SYDE2: variants seen among roughly 807,000 people sequenced by gnomAD.
SYDE2 encodes the protein synapse defective Rho GTPase homolog 2.
A neutral mutation model predicts 91.5 loss-of-function variants in SYDE2; 76 were observed. The ratio of observed to expected loss-of-function variants is 0.83; its 90% CI spans 0.69 to 1.01. SYDE2 has a LOEUF of 1.01. Among genes scored for constraint, SYDE2 ranks in the 50% least tolerant of loss-of-function variants. SYDE2 has a pLI of 0.00. For missense variants in SYDE2, 1,364 were observed against 1,367.7 expected (o/e 1.00, Z 0.04); for synonymous variants, 513 against 506.4 (o/e 1.01, Z -0.18).
At chr1:85,176,265 T>G (rs1295291722) in intron 4 of SYDE2, among the ~76,000 whole-genome samples, 1 of 152,150 alleles carries the variant, frequency 6.6e-6, no homozygotes, top group Non-Finnish European at 1.5e-5. Flanking sequence ...TCTTCAGGTA[T>G]CTCAATTTTT....
chr1:85,186,218 T>C (rs1252594971), intron 2 of SYDE2, among the ~76,000 whole-genome samples: 5 of 152,226 alleles, frequency 3.3e-5, no homozygotes, highest in Admixed American at 6.5e-5. Flanking sequence ...TTGAGCATTT[T>C]TGCATCAATG....
intron 2 of SYDE2, among the ~76,000 whole-genome samples, chr1:85,188,451 TC>T (rs1658238904): frequency 6.6e-6 from 1 of 152,222 alleles, no homozygotes; most frequent in Admixed American, 6.5e-5. Flanking sequence ...ACTTCCTTTT[TC>T]TCTTAATATA....
At chr1:85,173,051 C>T (rs1402488805) in intron 4 of SYDE2, among the ~76,000 whole-genome samples, 1 of 152,142 alleles carries the variant, frequency 6.6e-6, no homozygotes, top group East Asian at 1.9e-4. Context: ...TTGTGGCCCC[C>T]ACCCCCAACC....
At chr1:85,197,974 G>A (rs1431215708) in intron 1 of SYDE2, among the ~76,000 whole-genome samples, 2 of 152,116 alleles carry the variant, frequency 1.3e-5, no homozygotes, top group Admixed American at 6.6e-5. Flanking sequence ...TTTTTAAAAT[G>A]TCTTTAAACC....
Position 85,200,505 on chromosome 1 carries a change from G to A in SYDE2, c.492C>T (p.Ser164=). 1 of 1,613,668 alleles carries A rather than the reference G, an allele frequency of 6.2e-7. No individual in the cohort carries two copies. Among genetic ancestry groups the A allele is most frequent in the East Asian group, 2.2e-5 (1 of 44,876 alleles). The change falls in exon 1 of 7, where the codon TCC becomes TCT. Residue 164 remains serine, a synonymous_variant. Coordinates refer to ENST00000341460, the MANE Select transcript of SYDE2 (RefSeq NM_032184.2). ...CTCCTTTGCCACTGCGTATCACAGA[G>A]GACCCCGCTGGATCCCTGAAAGGGC... is the stretch of plus-strand genomic sequence containing the variant. ...SGSPFRDPAG[S]SVIRSGKGDR... is the part of the protein sequence containing the mutation.
rs770129767 is a variant in SYDE2 at position 85,182,614 on chromosome 1, C to G, written c.2028G>C (p.Gln676His). 2.5e-6 allele frequency: 4 copies of G among 1,613,918 alleles called. No individual in the cohort carries two copies. The highest frequency in any genetic ancestry group is 3.4e-6 in the Non-Finnish European group (4 of 1,179,854). The stretch of plus-strand genomic sequence containing the variant: ...GTACACTCATGAGCCCAGATATGTA[C>G]TGTGAACACTTAGGTTGATCAGAAA... ...YSFSDQPKCS[Q>H]YISGLMSVHF... Residue 676 changes from glutamine (Q) to histidine (H), a missense_variant, in exon 3 of 7, where the codon CAG becomes CAC. By Grantham distance (24) the Gln-to-His change is conservative. Coordinates refer to ENST00000341460, the MANE Select transcript of SYDE2 (RefSeq NM_032184.2).
intron 3 of SYDE2, among the ~76,000 whole-genome samples, chr1:85,178,502 C>G (rs1211405213): frequency 6.6e-6 from 1 of 152,074 alleles, no homozygotes; most frequent in South Asian, 2.1e-4. Flanking sequence ...GTAATGCTGG[C>G]TACCTATCTT....
chr1:85,192,621 G>T (rs1244338081), intron 1 of SYDE2, among the ~76,000 whole-genome samples: 1 of 152,130 alleles, frequency 6.6e-6, no homozygotes, highest in Non-Finnish European at 1.5e-5. Context: ...CTCCACAAAT[G>T]AGTGACTATT....
chr1:85,175,237 C>A (rs1474220547), intron 4 of SYDE2, among the ~76,000 whole-genome samples: 1 of 152,168 alleles, frequency 6.6e-6, no homozygotes, highest in Non-Finnish European at 1.5e-5. Context: ...CAGTGGCTCA[C>A]GCCTGTAATC....
At chr1:85,179,169 T>G (rs1657820843) in intron 3 of SYDE2, among the ~76,000 whole-genome samples, 1 of 152,172 alleles carries the variant, frequency 6.6e-6, no homozygotes, top group Non-Finnish European at 1.5e-5. Context: ...CTAAGACTAT[T>G]TAGAAAGCTC....
chr1:85,190,733 A>G lies in SYDE2; in HGVS notation c.765T>C (p.Tyr255=), dbSNP rs769475180. The G allele has an allele frequency of 3.8e-6, 6 of 1,598,554 alleles. No homozygotes were observed. In the South Asian group the frequency reaches 5.7e-5, roughly 15 times the overall value. ...GTTCTCTTCCCTTCATTGAAGACCCATAGGCATTTTCAAATAAATCTGTTG... is the reference window on the plus strand; with the variant it reads ...GTTCTCTTCCCTTCATTGAAGACCCGTAGGCATTTTCAAATAAATCTGTTG... ...ITLTDLFENA[Y]GSSMKGRELE... The change falls in exon 2 of 7, where the codon TAT becomes TAC. Residue 255 remains tyrosine (Y), a synonymous_variant. Transcript: ENST00000341460.
At chr1:85,191,798 C>G (rs915814527) in intron 1 of SYDE2, among the ~76,000 whole-genome samples, 2 of 151,492 alleles carry the variant, frequency 1.3e-5, no homozygotes, top group African/African-American at 4.8e-5. Flanking sequence ...TGGGAGACCT[C>G]AAATGCTTAG....
At chr1:85,189,091 C>T (rs1658261954) in intron 2 of SYDE2, among the ~76,000 whole-genome samples, 1 of 152,128 alleles carries the variant, frequency 6.6e-6, no homozygotes, top group African/African-American at 2.4e-5. Flanking sequence ...AATTTTTGTA[C>T]ATCAAAAACT....
At chr1:85,155,298 T>C (rs534203365), downstream of SYDE2, among the ~76,000 whole-genome samples, 42 of 152,202 alleles carry the variant, frequency 2.8e-4, no homozygotes, top group African/African-American at 9.9e-4. Context: ...TTCAATAGTA[T>C]GATTAAAAGA....
At position 85,198,465 on chromosome 1, in the gene SYDE2, T is replaced by C. The variant is rs959902389; in HGVS notation, c.745+1787A>G. Among the ~76,000 whole-genome samples the C allele has an allele frequency of 2.6e-5, 4 of 152,120 alleles. No homozygotes were observed. In the East Asian group the frequency reaches 7.7e-4, roughly 29 times the overall value. On this transcript the variant is annotated intron_variant, in intron 1 of 6. Coordinates refer to ENST00000341460, the MANE Select transcript of SYDE2 (RefSeq NM_032184.2). ...TCTCTCCTGAAAAATGAATTAGTGG[T>C]TTAAAAGGAAGTAACATCTGAGAGT... is the stretch of plus-strand genomic sequence containing the variant.
At chr1:85,155,043 AGAAAAG>A (rs1656848539), downstream of SYDE2, among the ~76,000 whole-genome samples, 1 of 148,476 alleles carries the variant, frequency 6.7e-6, no homozygotes, top group Non-Finnish European at 1.5e-5. Context: ...AAAAGAAAAA[AGAAAAG>A]AAAGAAAAGA....
chr1:85,172,759 C>T (rs1329696379), intron 4 of SYDE2, among the ~76,000 whole-genome samples: 2 of 152,108 alleles, frequency 1.3e-5, no homozygotes. Flanking sequence ...GCTAGAAATT[C>T]AAGGAGGCTA....
chr1:85,159,796 C>T lies in SYDE2; in HGVS notation c.3086-547G>A, dbSNP rs577711566. ...TCAAATTTCACTTTGATAAAATGTACAAATACTAGATTTGACCACTTTGTT... is the reference window on the plus strand; with the variant it reads ...TCAAATTTCACTTTGATAAAATGTATAAATACTAGATTTGACCACTTTGTT... On this transcript the variant is annotated intron_variant, in intron 6 of 6. Transcript: ENST00000341460. 2.2e-4 allele frequency: 206 copies of T among 934,154 alleles called. 3 individuals are homozygous for T. In the Middle Eastern group the frequency reaches 3.3e-3, roughly 15 times the overall value. 57.9% of individuals were successfully genotyped at this position (934,154 alleles called of 1,614,324 possible).
intron 2 of SYDE2, among the ~76,000 whole-genome samples, chr1:85,183,875 TA>T (rs987081158): frequency 1.3e-5 from 2 of 152,208 alleles, no homozygotes; most frequent in Admixed American, 6.5e-5. Context: ...CATTATCACA[TA>T]AAAAAACTGA....
Sources: allele counts gnomAD v4.1 joint callset (sites outside exome capture counted in the v4.1 genomes callset), GRCh38; gene constraint gnomAD v4.1.1; transcripts MANE v1.5; gene names NCBI Gene and HGNC (gene_info 2026-07-23, HGNC 2026-07-21).